SMG1: variants seen among roughly 807,000 people sequenced by gnomAD.
SMG1 encodes the protein SMG1 nonsense mediated mRNA decay associated PI3K related kinase, also known as serine/threonine-protein kinase SMG1.
In SMG1, 22 loss-of-function variants were observed where a neutral mutation model predicts 419.9. That is an observed-to-expected ratio of 0.05 (90% CI 0.04 to 0.07). The LOEUF is 0.07. Among genes scored for constraint, SMG1 ranks in the 10% least tolerant of loss-of-function variants. The probability of loss-of-function intolerance (pLI) is 1.00; values close to 1 mark genes in which losing one functional copy is unlikely to be tolerated. For missense variants in SMG1, 3,185 were observed against 4,342.0 expected, an observed-to-expected ratio of 0.73 and a Z score of 7.49; for synonymous variants, 1,538 against 1,553.5, an observed-to-expected ratio of 0.99 and a Z score of 0.23.
At chr16:18,888,251 T>C (rs556286358) in intron 6 of SMG1, among the ~76,000 whole-genome samples, 10 of 150,888 alleles carry the variant, frequency 6.6e-5, no homozygotes, top group African/African-American at 2.2e-4. Context: ...CTGGTATTCA[T>C]TTACACATAA....
chr16:18,864,763 C>T (rs986822793), intron 23 of SMG1, among the ~76,000 whole-genome samples: 6 of 152,156 alleles, frequency 3.9e-5, no homozygotes, highest in Non-Finnish European at 5.9e-5. Context: ...AGGCGTGAAC[C>T]ACCGCGCCCA....
chr16:18,841,445 C>T, intron 41 of SMG1, 120 bp downstream of exon 41: 1 of 799,376 alleles, frequency 1.3e-6, no homozygotes, highest in Non-Finnish European at 2.0e-6. Flanking sequence ...CTCCTAGGGA[C>T]CTCAAGTCTT....
At position 18,837,447 on chromosome 16, in the gene SMG1, TAA is replaced by T; in HGVS notation, c.7414-6_7414-5del. Reference sequence around the variant, plus strand: ...CTCTATTCTTAAACCAGTTCACCTGTAAAAAGATATTACGATTAAGAAGACTC... The same window carrying T: ...CTCTATTCTTAAACCAGTTCACCTGTAAAGATATTACGATTAAGAAGACTC... On this transcript the variant is annotated splice_polypyrimidine_tract_variant and splice_region_variant and intron_variant, in intron 45 of 62. Transcript: ENST00000446231. 1 of 1,608,372 alleles carries T rather than the reference TAA, an allele frequency of 6.2e-7. No homozygotes were observed. The highest frequency in any genetic ancestry group is 1.1e-5 in the South Asian group (1 of 90,330).
intron 47 of SMG1, 36 bp from the exon 48 acceptor site, chr16:18,836,248 AG>A: frequency 6.2e-7 from 1 of 1,601,032 alleles, no homozygotes; most frequent in Non-Finnish European, 8.5e-7. Context: ...ACAGTAAAAC[AG>A]GGTCAAGTCA....
intron 23 of SMG1, among the ~76,000 whole-genome samples, chr16:18,864,983 A>G (rs765705440): frequency 2.0e-5 from 3 of 152,250 alleles, no homozygotes; most frequent in Non-Finnish European, 4.4e-5. Context: ...GAAAATATTG[A>G]TAAGTAGCTG....
chr16:18,838,908 G>T (rs1042612694), intron 42 of SMG1, among the ~76,000 whole-genome samples: 1 of 152,156 alleles, frequency 6.6e-6, no homozygotes, highest in African/African-American at 2.4e-5. Context: ...CTATCAGGAT[G>T]CTGGATTAAA....
chr16:18,847,491 A>G lies in SMG1; in HGVS notation c.5958T>C (p.Asp1986=). The G allele has an allele frequency of 6.2e-7, 1 of 1,614,060 alleles. No homozygotes were observed. Among genetic ancestry groups the G allele is most frequent in the Non-Finnish European group, 8.5e-7 (1 of 1,179,884 alleles). ...TGTTGTTCTGGACTCTCTTCACCTC[A>G]TCTTCAAGCTGCTGAATTCGTCTCA... is the stretch of plus-strand genomic sequence containing the variant. ...YVLRRIQQLE[D]EVKRVQNNNT... The change falls in exon 38 of 63, where the codon GAT becomes GAC. Residue 1986 remains aspartate, a synonymous_variant. Coordinates refer to ENST00000446231, the MANE Select transcript of SMG1 (RefSeq NM_015092.5).
intron 39 of SMG1, among the ~76,000 whole-genome samples, chr16:18,842,741 G>T (rs2039237672): frequency 6.6e-6 from 1 of 152,098 alleles, no homozygotes. Context: ...AGGAGAAGAG[G>T]ATCACCTGAG....
rs76412576 is a variant in SMG1 at position 18,841,287 on chromosome 16, G to A, written c.6696+278C>T. ...TGGTTGTGCGCCCCCCATAGTTCCCGCTACTCGGGAGCCTGTAGCAGAATT... is the reference window on the plus strand; with the variant it reads ...TGGTTGTGCGCCCCCCATAGTTCCCACTACTCGGGAGCCTGTAGCAGAATT... On this transcript the variant is annotated intron_variant, in intron 41 of 62. Transcript: ENST00000446231. Among the ~76,000 whole-genome samples the A allele has an allele frequency of 3.7e-3, 553 of 150,586 alleles. 2 individuals carry two copies. The highest frequency in any genetic ancestry group is 0.013 in the African/African-American group (516 of 40,892).
chr16:18,827,054 G>T (rs201671075), intron 55 of SMG1, among the ~76,000 whole-genome samples: 17 of 83,544 alleles, frequency 2.0e-4, no homozygotes, highest in South Asian at 3.9e-4. Context: ...TCTTTGACTC[G>T]GAGATATTTA....
intron 1 of SMG1, among the ~76,000 whole-genome samples, chr16:18,901,954 A>AAG (rs1555505013): frequency 1.9e-4 from 4 of 21,548 alleles, no homozygotes; most frequent in African/African-American, 7.2e-4. Context: ...AAAAAAAAAA[A>AAG]GGGGGGGGTG....
intron 46 of SMG1, among the ~76,000 whole-genome samples, chr16:18,837,004 T>G (rs2033620472): frequency 6.6e-6 from 1 of 152,170 alleles, no homozygotes; most frequent in Non-Finnish European, 1.5e-5. Flanking sequence ...TGATTCCAAG[T>G]TTTGTGTTCT....
chr16:18,842,651 C>G (rs905665969), intron 39 of SMG1, among the ~76,000 whole-genome samples, 197 bp from the exon 40 acceptor site: 1 of 152,052 alleles, frequency 6.6e-6, no homozygotes, highest in Non-Finnish European at 1.5e-5. Flanking sequence ...ATGGCAAAAC[C>G]CCATCTCTAC....
At chr16:18,922,998 A>G (rs1294916954) in intron 1 of SMG1, among the ~76,000 whole-genome samples, 6 of 152,084 alleles carry the variant, frequency 3.9e-5, no homozygotes, top group Non-Finnish European at 8.8e-5. Context: ...AGGAGGCTTG[A>G]GCCTGGGAGG....
chr16:18,893,927 C>T (rs1331333833), intron 3 of SMG1, among the ~76,000 whole-genome samples: 4 of 151,910 alleles, frequency 2.6e-5, no homozygotes, highest in East Asian at 1.9e-4. Flanking sequence ...CGTGGTGGCG[C>T]GCTCCTGTAA....
chr16:18,884,295 T>C, intron 8 of SMG1, 128 bp from the exon 9 acceptor site: 1 of 481,838 alleles, frequency 2.1e-6, no homozygotes, highest in Non-Finnish European at 3.8e-6. Flanking sequence ...CTAAAACATG[T>C]CCTATATCAT....
intron 1 of SMG1, among the ~76,000 whole-genome samples, chr16:18,913,524 C>A (rs1484808412): frequency 6.6e-6 from 1 of 151,600 alleles, no homozygotes; most frequent in Admixed American, 6.6e-5. Context: ...GCAATGTTAT[C>A]AAATGTGGAC....
chr16:18,845,473 A>G lies in SMG1; in HGVS notation c.6175T>C (p.Leu2059=), dbSNP rs773583707. ...ENALEKLKTP[L]NPAKPGSSWI... is the part of the protein sequence containing the mutation. ...CTGCTCCCAGGCTTTGCAGGGTTCAATGGAGTCTTCAGTTTTTCTAGGGCA... is the reference window on the plus strand; with the variant it reads ...CTGCTCCCAGGCTTTGCAGGGTTCAGTGGAGTCTTCAGTTTTTCTAGGGCA... Residue 2059 remains leucine (L), a synonymous_variant, in exon 39 of 63, where the codon TTG becomes CTG. Coordinates refer to ENST00000446231, the MANE Select transcript of SMG1 (RefSeq NM_015092.5). The G allele has an allele frequency of 4.3e-6, 7 of 1,613,996 alleles. No homozygotes were observed. Among genetic ancestry groups the G allele is most frequent in the African/African-American group, 1.3e-5 (1 of 75,050 alleles).
chr16:18,914,921 T>C (rs1451093513), intron 1 of SMG1, among the ~76,000 whole-genome samples: 3 of 151,906 alleles, frequency 2.0e-5, no homozygotes, highest in East Asian at 3.9e-4. Flanking sequence ...GGATAAAACA[T>C]ATGAATCTTA....
Sources: gnomAD v4.1 joint callset for allele counts (sites outside exome capture counted in the v4.1 genomes callset) on GRCh38, gnomAD v4.1.1 for gene constraint, MANE v1.5 for transcripts, NCBI Gene and HGNC (gene_info 2026-07-23, HGNC 2026-07-21) for gene names.